Variants in TASP1 observed in about 807,000 individuals in gnomAD.
TASP1 encodes taspase 1.
A neutral mutation model predicts 56.6 loss-of-function variants in TASP1; 16 were observed. That is an observed-to-expected ratio of 0.28 (90% CI 0.19 to 0.43). The LOEUF (loss-of-function observed/expected upper bound fraction) is 0.43, where lower values mean the gene tolerates loss of function less well. Ranked by LOEUF, TASP1 falls within the 20% of genes least tolerant of loss-of-function variation. The probability of loss-of-function intolerance (pLI) is 1.00; values close to 1 mark genes in which losing one functional copy is unlikely to be tolerated. For synonymous variants in TASP1, 179 were observed against 184.2 expected, an observed-to-expected ratio of 0.97 and a Z score of 0.23; for missense variants, 393 against 511.6, an observed-to-expected ratio of 0.77 and a Z score of 2.24.
At chr20:13,304,989 G>A in the TASP1 span, among the ~76,000 whole-genome samples, 6 of 152,068 alleles carry the variant, frequency 3.9e-5, no homozygotes, top group South Asian at 6.3e-4. Context: ...ATCACTTCAC[G>A]CTTAAATACT....
At position 13,554,221 on chromosome 20, in the gene TASP1, A is replaced by G. The variant is rs117398930; in HGVS notation, c.675+4787T>C. Among the ~76,000 whole-genome samples, 146 of 152,318 alleles carry G rather than the reference A, an allele frequency of 9.6e-4. 2 individuals are homozygous for G. The South Asian group carries it at 0.018, about 19-fold the overall frequency. On this transcript the variant is annotated intron_variant, in intron 8 of 13. Transcript: ENST00000337743. ...ATCATCAGAAACCTAAACTAATGCC[A>G]GCAACCAACCACCTCCAAACTTATT...
At chr20:13,401,291 C>G (rs769731338) in intron 13 of TASP1, among the ~76,000 whole-genome samples, 12 of 152,018 alleles carry the variant, frequency 7.9e-5, no homozygotes, top group Non-Finnish European at 1.6e-4. Flanking sequence ...ATGAATACAG[C>G]TTTTGATCTT....
chr20:13,346,614 G>T, the TASP1 span, among the ~76,000 whole-genome samples: 1 of 152,228 alleles, frequency 6.6e-6, no homozygotes, highest in Admixed American at 6.5e-5. Flanking sequence ...CGATGGAAGG[G>T]GAGAGTCCTC....
chr20:13,281,813 C>T, the TASP1 span, among the ~76,000 whole-genome samples: 2 of 152,182 alleles, frequency 1.3e-5, no homozygotes, highest in Non-Finnish European at 2.9e-5. Flanking sequence ...CACCTGTTTG[C>T]CCAGCCCACA....
chr20:13,604,360 A>T (rs1172763200), intron 4 of TASP1, among the ~76,000 whole-genome samples: 2 of 152,074 alleles, frequency 1.3e-5, no homozygotes, highest in African/African-American at 2.4e-5. Context: ...TGTTTAAAAG[A>T]GCCTGCCACC....
At chr20:13,226,153 TA>T in the TASP1 span, among the ~76,000 whole-genome samples, 108 of 150,024 alleles carry the variant, frequency 7.2e-4, no homozygotes, top group Non-Finnish European at 9.8e-4. Context: ...TCGAATGTAG[TA>T]AAATGTCTTT....
chr20:13,626,915 C>G (rs1199000547), intron 2 of TASP1, among the ~76,000 whole-genome samples: 1 of 128,384 alleles, frequency 7.8e-6, no homozygotes, highest in Non-Finnish European at 1.6e-5. Context: ...CCCCCCACCC[C>G]GTACATCTTT....
At chr20:13,183,698 T>A in the TASP1 span, among the ~76,000 whole-genome samples, 182 of 152,260 alleles carry the variant, frequency 1.2e-3, 2 homozygotes, top group African/African-American at 3.8e-3. Flanking sequence ...AATGGCAGAT[T>A]ATCAAGCAAT....
chr20:13,286,723 G>A, the TASP1 span, among the ~76,000 whole-genome samples: 1 of 152,184 alleles, frequency 6.6e-6, no homozygotes, highest in Non-Finnish European at 1.5e-5. Context: ...GTGTTTGCCT[G>A]AGGCATGTTC....
chr20:13,276,412 A>G, the TASP1 span, among the ~76,000 whole-genome samples: 1 of 152,048 alleles, frequency 6.6e-6, no homozygotes, highest in African/African-American at 2.4e-5. Context: ...AGAGAAGGAA[A>G]GCTGATCAAG....
chr20:13,428,800 G>GT (rs34776659), intron 12 of TASP1, among the ~76,000 whole-genome samples: 9,609 of 152,072 alleles, frequency 0.063, 452 homozygotes, highest in African/African-American at 0.13. Context: ...AATATTGTTT[G>GT]TTTTTTTGTG....
chr20:13,457,005 G>A (rs1367138002), intron 11 of TASP1, among the ~76,000 whole-genome samples: 1 of 151,940 alleles, frequency 6.6e-6, no homozygotes, highest in Non-Finnish European at 1.5e-5. Flanking sequence ...ATCATTCTCA[G>A]CAAACTATCA....
chr20:13,252,845 CTT>C, the TASP1 span, among the ~76,000 whole-genome samples: 3 of 152,318 alleles, frequency 2.0e-5, no homozygotes, highest in Middle Eastern at 3.4e-3. Context: ...TCCACTCTCT[CTT>C]GTCTCTCACC....
chr20:13,557,111 T>C (rs1360312264), intron 8 of TASP1, among the ~76,000 whole-genome samples: 2 of 152,132 alleles, frequency 1.3e-5, no homozygotes, highest in East Asian at 3.9e-4. Context: ...GAAACTCCTA[T>C]ATATAAAAAT....
intron 12 of TASP1, among the ~76,000 whole-genome samples, chr20:13,419,877 A>C (rs1239178155): frequency 6.6e-6 from 1 of 152,210 alleles, no homozygotes; most frequent in Non-Finnish European, 1.5e-5. Context: ...GCAATGAAGC[A>C]AGTTCTCTTC....
the TASP1 span, among the ~76,000 whole-genome samples, chr20:13,208,648 C>G: frequency 6.6e-6 from 1 of 152,152 alleles, no homozygotes. Context: ...AGTATAGGCT[C>G]GCATCTCACA....
At chr20:13,488,170 T>C (rs1490490163) in intron 10 of TASP1, among the ~76,000 whole-genome samples, 1 of 152,116 alleles carries the variant, frequency 6.6e-6, no homozygotes, top group Non-Finnish European at 1.5e-5. Flanking sequence ...AAGAATTTTC[T>C]AGAATTTAAG....
the TASP1 span, among the ~76,000 whole-genome samples, chr20:13,336,814 C>T: frequency 6.6e-6 from 1 of 152,102 alleles, no homozygotes; most frequent in African/African-American, 2.4e-5. Flanking sequence ...GCAGGTACTC[C>T]TAACATTGGT....
chr20:13,537,008 C>T (rs939652128), intron 8 of TASP1, among the ~76,000 whole-genome samples: 1 of 152,070 alleles, frequency 6.6e-6, no homozygotes, highest in South Asian at 2.1e-4. Flanking sequence ...TTTTCATTAG[C>T]TCTTTTTTAT....
Sources: gnomAD v4.1 joint callset for allele counts (sites outside exome capture counted in the v4.1 genomes callset) on GRCh38, gnomAD v4.1.1 for gene constraint, MANE v1.5 for transcripts, NCBI Gene and HGNC (gene_info 2026-07-23, HGNC 2026-07-21) for gene names.